AGBL4: variants seen among roughly 807,000 people sequenced by gnomAD.
AGBL4 encodes the protein AGBL carboxypeptidase 4.
AGBL4 carries 58 observed loss-of-function variants against 66.4 expected under a neutral mutation model. The observed-to-expected ratio is 0.87, with a 90% CI of 0.71 to 1.09. AGBL4 has a LOEUF of 1.09. AGBL4 is among the 50% of genes least tolerant of loss of function. The pLI is 0.00. For missense variants in AGBL4, 579 were observed against 631.0 expected, an observed-to-expected ratio of 0.92 and a Z score of 0.88; for synonymous variants, 234 against 222.9, an observed-to-expected ratio of 1.05 and a Z score of -0.44.
chr1:49,775,714 C>A (rs1470525407), intron 2 of AGBL4, among the ~76,000 whole-genome samples: 1 of 151,970 alleles, frequency 6.6e-6, no homozygotes, highest in East Asian at 1.9e-4. Context: ...TTTACTTTAT[C>A]AGTGTCTTAT....
At chr1:49,884,399 TA>T (rs1647784881) in intron 1 of AGBL4, among the ~76,000 whole-genome samples, 1 of 151,844 alleles carries the variant, frequency 6.6e-6, no homozygotes, top group South Asian at 2.1e-4. Flanking sequence ...TTACTATTAT[TA>T]AGACACCTGT....
At chr1:48,630,888 T>C (rs968646823) in intron 9 of AGBL4, among the ~76,000 whole-genome samples, 2 of 152,110 alleles carry the variant, frequency 1.3e-5, no homozygotes, top group Non-Finnish European at 2.9e-5. Flanking sequence ...GCCTGGAAAG[T>C]TCTCCCTGAC....
intron 5 of AGBL4, among the ~76,000 whole-genome samples, chr1:48,951,482 C>T (rs1254539681): frequency 6.6e-6 from 1 of 152,116 alleles, no homozygotes; most frequent in Non-Finnish European, 1.5e-5. Context: ...ATCTTAACCC[C>T]TAATGTGATA....
At chr1:49,713,968 T>C (rs1440552027) in intron 2 of AGBL4, among the ~76,000 whole-genome samples, 1 of 151,952 alleles carries the variant, frequency 6.6e-6, no homozygotes, top group African/African-American at 2.4e-5. Context: ...AACTACATAG[T>C]TTTTACCATA....
At chr1:49,038,653 C>G (rs1432057933) in intron 5 of AGBL4, among the ~76,000 whole-genome samples, 1 of 151,996 alleles carries the variant, frequency 6.6e-6, no homozygotes, top group Non-Finnish European at 1.5e-5. Flanking sequence ...CAATGAGATA[C>G]AGTACACACC....
chr1:48,922,340 G>A (rs1237603079), intron 5 of AGBL4, among the ~76,000 whole-genome samples: 1 of 152,156 alleles, frequency 6.6e-6, no homozygotes, highest in East Asian at 1.9e-4. Context: ...AGGCTAGTTG[G>A]CCCTTGAGTT....
chr1:49,771,509 T>C (rs1022831551), intron 2 of AGBL4, among the ~76,000 whole-genome samples: 1 of 152,120 alleles, frequency 6.6e-6, no homozygotes, highest in Non-Finnish European at 1.5e-5. Flanking sequence ...ATTAGGTCCA[T>C]TTGGTTTCTG....
intron 4 of AGBL4, among the ~76,000 whole-genome samples, chr1:49,196,638 T>C (rs1647268230): frequency 6.6e-6 from 1 of 151,748 alleles, no homozygotes; most frequent in Admixed American, 6.6e-5. Flanking sequence ...CTATTTCTTC[T>C]TATTTTTGAA....
At chr1:49,107,255 TA>T (rs1645309517) in intron 4 of AGBL4, among the ~76,000 whole-genome samples, 1 of 152,210 alleles carries the variant, frequency 6.6e-6, no homozygotes, top group Non-Finnish European at 1.5e-5. Flanking sequence ...TTCAAAACTT[TA>T]GTATAAAATA....
At chr1:49,300,504 T>G (rs1180518180) in intron 3 of AGBL4, among the ~76,000 whole-genome samples, 1 of 152,066 alleles carries the variant, frequency 6.6e-6, no homozygotes, top group African/African-American at 2.4e-5. Flanking sequence ...CAAAGGGGTG[T>G]TTTTCTGCTT....
rs563178094 is a variant in AGBL4 at position 48,627,590 on chromosome 1, GA to G, written c.951+6902del. The stretch of plus-strand genomic sequence containing the variant: ...GGCTGCAGGAGGCAAGAAAAGAAAA[GA>G]AAAAAAAAAAGCCAGCCCCGTGTTG... On this transcript the variant is annotated intron_variant, in intron 9 of 13. Transcript: ENST00000371839. Among the ~76,000 whole-genome samples, 603 of 140,012 alleles carry G rather than the reference GA, an allele frequency of 4.3e-3. 2 individuals are homozygous for G. The highest frequency in any genetic ancestry group is 9.7e-3 in the African/African-American group (371 of 38,394). 91.9% of individuals were successfully genotyped at this position (140,012 alleles called of 152,430 possible). A position where few individuals can be genotyped will look rare whatever the true frequency, so the allele number is the denominator to read the frequency against.
At chr1:49,108,462 G>C (rs1368619338) in intron 4 of AGBL4, among the ~76,000 whole-genome samples, 1 of 152,156 alleles carries the variant, frequency 6.6e-6, no homozygotes, top group Non-Finnish European at 1.5e-5. Flanking sequence ...TGTTTAATGA[G>C]AGCACAGGAG....
intron 3 of AGBL4, among the ~76,000 whole-genome samples, chr1:49,478,080 T>A (rs1002549644): frequency 6.6e-6 from 1 of 151,636 alleles, no homozygotes; most frequent in Admixed American, 6.6e-5. Context: ...TTAGAAAATA[T>A]CTTTAAAAGA....
At chr1:49,013,432 G>A (rs769429387) in intron 5 of AGBL4, among the ~76,000 whole-genome samples, 7 of 152,124 alleles carry the variant, frequency 4.6e-5, no homozygotes, top group Non-Finnish European at 8.8e-5. Context: ...TGAGAGTCTT[G>A]GTGAGCAAGA....
At chr1:49,443,074 C>A (rs927772258) in intron 3 of AGBL4, among the ~76,000 whole-genome samples, 5 of 152,014 alleles carry the variant, frequency 3.3e-5, no homozygotes, top group Admixed American at 1.3e-4. Flanking sequence ...TGTGTGTTTT[C>A]TTTTGAGAGA....
intron 4 of AGBL4, among the ~76,000 whole-genome samples, chr1:49,093,828 C>G (rs1293194385): frequency 6.6e-6 from 1 of 152,148 alleles, no homozygotes; most frequent in East Asian, 1.9e-4. Flanking sequence ...GCCTCTACAG[C>G]TTTCCTAAAA....
intron 5 of AGBL4, among the ~76,000 whole-genome samples, chr1:48,988,839 A>G (rs1467646483): frequency 6.6e-6 from 1 of 152,166 alleles, no homozygotes; most frequent in African/African-American, 2.4e-5. Flanking sequence ...GCTAGCTTCA[A>G]TGACCTGAGA....
intron 8 of AGBL4, among the ~76,000 whole-genome samples, chr1:48,644,593 T>C (rs79459632): frequency 2.8e-3 from 424 of 152,102 alleles, no homozygotes; most frequent in African/African-American, 9.6e-3. Flanking sequence ...GCTTCTCAAG[T>C]GGAAGCAGAG....
chr1:48,714,338 C>A (rs376586664), intron 6 of AGBL4, among the ~76,000 whole-genome samples: 1 of 152,178 alleles, frequency 6.6e-6, no homozygotes, highest in Non-Finnish European at 1.5e-5. Flanking sequence ...AATCTTCAGT[C>A]CCCTCCCAGC....
Sources: gnomAD v4.1 joint callset for allele counts (sites outside exome capture counted in the v4.1 genomes callset) on GRCh38, gnomAD v4.1.1 for gene constraint, MANE v1.5 for transcripts, NCBI Gene and HGNC (gene_info 2026-07-23, HGNC 2026-07-21) for gene names.